Variants in LRP1B observed in about 807,000 individuals in gnomAD.
The protein encoded by LRP1B is LDL receptor related protein 1B, also known as low-density lipoprotein receptor-related protein 1B.
LRP1B carries 217 observed loss-of-function variants against 556.6 expected under a neutral mutation model. The observed-to-expected ratio is 0.39, with a 90% CI of 0.35 to 0.44. The LOEUF (loss-of-function observed/expected upper bound fraction) is 0.44, where lower values mean the gene tolerates loss of function less well. LRP1B is among the 20% of genes least tolerant of loss of function. LRP1B has a pLI of 1.00. For missense variants in LRP1B, 5,053 were observed against 5,620.8 expected (o/e 0.90, Z 3.23); for synonymous variants, 2,047 against 1,865.8 (o/e 1.10, Z -2.50).
Position 141,058,956 on chromosome 2 carries a change from A to T in LRP1B, c.1335T>A (p.Thr445=), listed in dbSNP as rs1699262001. 1 of 1,600,986 alleles carries T rather than the reference A, an allele frequency of 6.2e-7. No individual in the cohort carries two copies. The highest frequency in any genetic ancestry group is 8.5e-7 in the Non-Finnish European group (1 of 1,173,146). Residue 445 remains threonine (T), a synonymous_variant, in exon 9 of 91, where the codon ACT becomes ACA. Coordinates refer to ENST00000389484, the MANE Select transcript of LRP1B (RefSeq NM_018557.3). ...CAATTTTAATTAATGAGTGAATATC[A>T]GTCCCATTAAATCGGTTTATCCTTA... ...NIVRINRFNG[T]DIHSLIKIEN...
At chr2:141,878,652 G>A (rs1452243969) in intron 1 of LRP1B, among the ~76,000 whole-genome samples, 1 of 151,918 alleles carries the variant, frequency 6.6e-6, no homozygotes, top group Non-Finnish European at 1.5e-5. Flanking sequence ...AAATTAATGT[G>A]TATATTAACT....
At chr2:140,346,634 A>C (rs1016619966) in intron 77 of LRP1B, among the ~76,000 whole-genome samples, 4 of 151,878 alleles carry the variant, frequency 2.6e-5, no homozygotes, top group African/African-American at 9.7e-5. Flanking sequence ...AGTGTTTGCC[A>C]AGACTTTGAA....
chr2:141,231,862 A>G lies in LRP1B; in HGVS notation c.593-2422T>C, dbSNP rs571911190. Among the ~76,000 whole-genome samples, 5 of 152,278 alleles carry G rather than the reference A, an allele frequency of 3.3e-5. No individual in the cohort carries two copies. In the South Asian group the frequency reaches 1.0e-3, roughly 32 times the overall value. On this transcript the variant is annotated intron_variant, in intron 5 of 90. Coordinates refer to ENST00000389484, the MANE Select transcript of LRP1B (RefSeq NM_018557.3). ...CAAAACAGTAAAACAAAAATAACCCAAAAAAGCCTCAATGAGATTATAAAA... is the reference window on the plus strand; with the variant it reads ...CAAAACAGTAAAACAAAAATAACCCGAAAAAGCCTCAATGAGATTATAAAA...
chr2:141,075,696 T>C (rs2104868964), intron 7 of LRP1B, among the ~76,000 whole-genome samples: 2 of 152,292 alleles, frequency 1.3e-5, no homozygotes. Context: ...TGTTCTGAGC[T>C]GAAATAACAC....
chr2:141,618,499 G>A (rs1688388899), intron 2 of LRP1B, among the ~76,000 whole-genome samples: 2 of 152,056 alleles, frequency 1.3e-5, no homozygotes, highest in African/African-American at 4.8e-5. Flanking sequence ...CCTAATTATA[G>A]ACAGAGTTAT....
intron 2 of LRP1B, among the ~76,000 whole-genome samples, chr2:141,770,216 G>A (rs984384890): frequency 6.8e-6 from 1 of 148,026 alleles, no homozygotes; most frequent in Non-Finnish European, 1.5e-5. Flanking sequence ...TTTGCATTTT[G>A]CATCTATGCT....
At chr2:141,114,216 G>A (rs138618840) in intron 7 of LRP1B, among the ~76,000 whole-genome samples, 126 of 152,336 alleles carry the variant, frequency 8.3e-4, no homozygotes, top group East Asian at 3.5e-3. Context: ...CCATGGTAGC[G>A]TCTAAGGGTG....
intron 2 of LRP1B, among the ~76,000 whole-genome samples, chr2:141,716,194 A>T (rs1334781954): frequency 6.6e-6 from 1 of 152,058 alleles, no homozygotes; most frequent in Non-Finnish European, 1.5e-5. Context: ...TTCTAACATC[A>T]CTCTGTCACC....
intron 3 of LRP1B, among the ~76,000 whole-genome samples, chr2:141,348,641 T>C (rs765835865): frequency 1.3e-5 from 2 of 152,024 alleles, no homozygotes; most frequent in Non-Finnish European, 2.9e-5. Context: ...TTCACCAGAG[T>C]GTTTCTTTAA....
intron 3 of LRP1B, among the ~76,000 whole-genome samples, chr2:141,439,502 A>G (rs530753886): frequency 6.6e-6 from 1 of 152,032 alleles, no homozygotes; most frequent in South Asian, 2.1e-4. Flanking sequence ...ATAAGTAATA[A>G]CACATAAAAC....
chr2:141,700,437 A>C (rs1399607581), intron 2 of LRP1B, among the ~76,000 whole-genome samples: 1 of 151,864 alleles, frequency 6.6e-6, no homozygotes, highest in Non-Finnish European at 1.5e-5. Flanking sequence ...CTAAAATTGT[A>C]ATCTCATATG....
chr2:140,270,450 G>C lies in LRP1B; in HGVS notation c.13143-104C>G, dbSNP rs1682406560. 5.7e-6 allele frequency: 4 copies of C among 702,208 alleles called. No individual in the cohort carries two copies. In the Admixed American group the frequency reaches 9.4e-5, roughly 17 times the overall value. The allele number at this position is 702,208 out of a possible 1,614,324, so 43.5% of individuals were successfully genotyped here. A position where few individuals can be genotyped will look rare whatever the true frequency, so the allele number is the denominator to read the frequency against. ...GGATGAGAATATTCATCATATAGGAGAGATGGAGTGGCTGGTTAAAAGGAA... is the reference window on the plus strand; with the variant it reads ...GGATGAGAATATTCATCATATAGGACAGATGGAGTGGCTGGTTAAAAGGAA... On this transcript the variant is annotated intron_variant, in intron 85 of 90. Transcript: ENST00000389484.
At chr2:141,291,855 C>CAAAAAAAAAAAAAAAAAAAAA (rs143819331) in intron 3 of LRP1B, among the ~76,000 whole-genome samples, 2 of 99,332 alleles carry the variant, frequency 2.0e-5, no homozygotes, top group Non-Finnish European at 1.9e-5. Flanking sequence ...GACTCTGTCT[C>CAAAAAAAAAAAAAAAAAAAAA]AAAAAAAAAA....
At chr2:141,726,232 T>TA (rs1339223970) in intron 2 of LRP1B, among the ~76,000 whole-genome samples, 1 of 150,706 alleles carries the variant, frequency 6.6e-6, no homozygotes, top group East Asian at 1.9e-4. Flanking sequence ...CCCATCATCA[T>TA]AAAAAATTTA....
intron 11 of LRP1B, among the ~76,000 whole-genome samples, chr2:141,042,314 C>T (rs1360567917): frequency 6.6e-6 from 1 of 152,024 alleles, no homozygotes; most frequent in African/African-American, 2.4e-5. Flanking sequence ...ATGGGCGTTC[C>T]CTAAGCTCCA....
intron 3 of LRP1B, among the ~76,000 whole-genome samples, chr2:141,411,386 A>G (rs1434701973): frequency 6.6e-6 from 1 of 152,154 alleles, no homozygotes; most frequent in South Asian, 2.1e-4. Context: ...CTTGGAAAGC[A>G]TGGGAAGACA....
chr2:140,968,821 T>G (rs1012422847), intron 18 of LRP1B, among the ~76,000 whole-genome samples: 1 of 152,240 alleles, frequency 6.6e-6, no homozygotes, highest in African/African-American at 2.4e-5. Flanking sequence ...TTGTTCAGTT[T>G]CCATGTAGTT....
intron 24 of LRP1B, among the ~76,000 whole-genome samples, chr2:140,884,244 G>T (rs1164607028): frequency 1.3e-5 from 2 of 152,022 alleles, no homozygotes; most frequent in African/African-American, 4.8e-5. Context: ...AATCCTTTTG[G>T]TATCAGTGGA....
intron 3 of LRP1B, among the ~76,000 whole-genome samples, chr2:141,477,565 T>C (rs1026985352): frequency 3.3e-5 from 5 of 152,326 alleles, no homozygotes; most frequent in Non-Finnish European, 7.3e-5. Context: ...ACAAACTATA[T>C]AAACGTTGCA....
Sources: gnomAD v4.1 joint callset for allele counts (sites outside exome capture counted in the v4.1 genomes callset) on GRCh38, gnomAD v4.1.1 for gene constraint, MANE v1.5 for transcripts, NCBI Gene and HGNC (gene_info 2026-07-23, HGNC 2026-07-21) for gene names.